Variants in TPRG1 observed in about 807,000 individuals in gnomAD.
TPRG1 encodes tumor protein p63 regulated 1.
Under a neutral mutation model 29.3 loss-of-function variants are expected in TPRG1, and 29 were observed. The ratio of observed to expected loss-of-function variants is 0.99; its 90% confidence interval spans 0.74 to 1.35. The LOEUF (loss-of-function observed/expected upper bound fraction) is 1.35. Among genes scored for constraint, TPRG1 ranks in the 40% most tolerant of loss-of-function variants. The pLI is 0.00. For missense variants in TPRG1, 327 were observed against 335.0 expected, an observed-to-expected ratio of 0.98 and a Z score of 0.19; for synonymous variants, 130 against 116.8, an observed-to-expected ratio of 1.11 and a Z score of -0.73.
At chr3:189,091,890 A>AT (rs1031184913) in intron 4 of TPRG1, among the ~76,000 whole-genome samples, 1 of 151,730 alleles carries the variant, frequency 6.6e-6, no homozygotes, top group Non-Finnish European at 1.5e-5. Flanking sequence ...ATAGACATGT[A>AT]TTTTTTCCTA....
intron 1 of TPRG1, among the ~76,000 whole-genome samples, chr3:189,200,767 G>A (rs937207758): frequency 6.6e-6 from 1 of 152,188 alleles, no homozygotes; most frequent in Non-Finnish European, 1.5e-5. Flanking sequence ...GAGTTCAGAA[G>A]AGATACACAA....
intron 3 of TPRG1, among the ~76,000 whole-genome samples, chr3:189,006,533 C>A (rs1712295447): frequency 6.6e-6 from 1 of 152,044 alleles, no homozygotes; most frequent in South Asian, 2.1e-4. Context: ...TCTCCTCTGG[C>A]AGGCAGATAC....
At chr3:189,042,586 C>T (rs1230668441) in intron 4 of TPRG1, among the ~76,000 whole-genome samples, 1 of 151,876 alleles carries the variant, frequency 6.6e-6, no homozygotes, top group Non-Finnish European at 1.5e-5. Flanking sequence ...TTGTGTGGAT[C>T]TCTGGGCTAG....
At chr3:189,177,473 T>C (rs1729639848) in intron 1 of TPRG1, among the ~76,000 whole-genome samples, 2 of 151,490 alleles carry the variant, frequency 1.3e-5, no homozygotes, top group South Asian at 4.2e-4. Context: ...CATATACTTA[T>C]ATATGTATAT....
chr3:189,011,892 C>G (rs1578189007), intron 3 of TPRG1, among the ~76,000 whole-genome samples: 2 of 152,116 alleles, frequency 1.3e-5, no homozygotes, highest in African/African-American at 4.8e-5. Context: ...CTTTTTGTAG[C>G]AATTGTGAAT....
intron 3 of TPRG1, among the ~76,000 whole-genome samples, chr3:189,136,731 A>G (rs762697842): frequency 6.6e-6 from 1 of 152,218 alleles, no homozygotes; most frequent in Non-Finnish European, 1.5e-5. Flanking sequence ...TATATTTGCC[A>G]AAGTATCTTC....
intron 2 of TPRG1, among the ~76,000 whole-genome samples, chr3:189,001,743 G>A (rs570193756): frequency 6.6e-6 from 1 of 152,132 alleles, no homozygotes; most frequent in East Asian, 1.9e-4. Flanking sequence ...AGATATGGAA[G>A]TCATGGAAGT....
At chr3:189,293,092 T>G (rs1481090420) in intron 4 of TPRG1, among the ~76,000 whole-genome samples, 7 of 152,202 alleles carry the variant, frequency 4.6e-5, no homozygotes, top group African/African-American at 1.7e-4. Context: ...TTTATGTCAT[T>G]CATTAGGCAT....
intron 5 of TPRG1, among the ~76,000 whole-genome samples, chr3:189,319,983 C>A (rs1724118119): frequency 6.6e-6 from 1 of 152,026 alleles, no homozygotes; most frequent in Non-Finnish European, 1.5e-5. Context: ...TGAAGTTTTA[C>A]CTCCTCAGAA....
chr3:189,003,434 A>G (rs1490905425), intron 2 of TPRG1, among the ~76,000 whole-genome samples: 1 of 152,164 alleles, frequency 6.6e-6, no homozygotes, highest in African/African-American at 2.4e-5. Context: ...AATTTGGAAC[A>G]AAATGTGACG....
intron 3 of TPRG1, among the ~76,000 whole-genome samples, chr3:189,021,670 TC>T (rs1713318219): frequency 6.6e-6 from 1 of 152,218 alleles, no homozygotes; most frequent in Non-Finnish European, 1.5e-5. Flanking sequence ...TAACATTTTT[TC>T]CATCATTTCA....
chr3:189,074,366 C>T (rs1403198390), intron 4 of TPRG1, among the ~76,000 whole-genome samples: 2 of 151,688 alleles, frequency 1.3e-5, no homozygotes, highest in Non-Finnish European at 2.9e-5. Flanking sequence ...CCACTACGCC[C>T]GGCTAATTTT....
At chr3:189,272,525 G>T (rs948761744) in intron 4 of TPRG1, among the ~76,000 whole-genome samples, 2 of 152,060 alleles carry the variant, frequency 1.3e-5, no homozygotes, top group African/African-American at 2.4e-5. Context: ...GGAAATCTGG[G>T]CAAGTCTCGT....
At chr3:188,999,679 G>A (rs112310264) in intron 1 of TPRG1, among the ~76,000 whole-genome samples, 215 of 152,178 alleles carry the variant, frequency 1.4e-3, no homozygotes, top group African/African-American at 5.0e-3. Context: ...GGCAAGAAAT[G>A]ATAGTTATTA....
chr3:189,281,211 A>T (rs1717070868), intron 4 of TPRG1, among the ~76,000 whole-genome samples: 1 of 152,224 alleles, frequency 6.6e-6, no homozygotes, highest in African/African-American at 2.4e-5. Context: ...AAACACAGCT[A>T]ATAAATGGTA....
chr3:189,038,040 C>A lies in TPRG1; in HGVS notation c.-463+14094C>A, dbSNP rs377204956. ...TATAGAATTCCAATCAAAACTTATA[C>A]AGAGAAACTTAGGTCTAAAATATAT... On this transcript the variant is annotated intron_variant, in intron 4 of 10. Transcript: ENST00000433971. 4.0e-5 allele frequency among the ~76,000 whole-genome samples: 6 copies of A among 151,404 alleles called. No individual in the cohort carries two copies. In the East Asian group the frequency reaches 9.7e-4, roughly 24 times the overall value.
intron 4 of TPRG1, among the ~76,000 whole-genome samples, chr3:189,066,488 C>G (rs973984266): frequency 6.6e-6 from 1 of 151,976 alleles, no homozygotes; most frequent in Admixed American, 6.6e-5. Context: ...TGGGATTCAA[C>G]CCAGGGATGC....
chr3:189,291,881 G>A (rs1719059521), intron 4 of TPRG1, among the ~76,000 whole-genome samples: 1 of 152,192 alleles, frequency 6.6e-6, no homozygotes, highest in Non-Finnish European at 1.5e-5. Context: ...TAGAAAGTTG[G>A]TGATGGTTAC....
intron 2 of TPRG1, among the ~76,000 whole-genome samples, chr3:189,130,232 A>G (rs1290824281): frequency 2.0e-5 from 3 of 152,228 alleles, no homozygotes; most frequent in Non-Finnish European, 2.9e-5. Flanking sequence ...GCACCATGAG[A>G]TCTTTCTCAT....
Sources: gnomAD v4.1 joint callset for allele counts (sites outside exome capture counted in the v4.1 genomes callset) on GRCh38, gnomAD v4.1.1 for gene constraint, MANE v1.5 for transcripts, NCBI Gene and HGNC (gene_info 2026-07-23, HGNC 2026-07-21) for gene names.